The following KALRN variants were observed in gnomAD, a reference collection of about 807,000 sequenced individuals.
KALRN encodes the protein kalirin RhoGEF kinase, also known as kalirin.
KALRN carries 70 observed loss-of-function variants against 353.7 expected under a neutral mutation model. The observed-to-expected ratio is 0.20, with a 90% CI of 0.16 to 0.24. KALRN has a LOEUF of 0.24. KALRN is among the 10% of genes least tolerant of loss of function. The pLI, the probability that KALRN is intolerant of heterozygous loss-of-function variation, is 1.00. For synonymous variants in KALRN, 1,391 were observed against 1,434.8 expected, an observed-to-expected ratio of 0.97 and a Z score of 0.69; for missense variants, 2,791 against 3,756.7, an observed-to-expected ratio of 0.74 and a Z score of 6.72.
chr3:124,434,246 C>G, intron 16 of KALRN, 61 bp from the exon 17 acceptor site: 1 of 1,336,068 alleles, frequency 7.5e-7, no homozygotes, highest in Non-Finnish European at 1.1e-6. Context: ...CTCACTCCAC[C>G]CCCTCCCATA....
intron 34 of KALRN, among the ~76,000 whole-genome samples, chr3:124,585,645 G>GA (rs962284371): frequency 2.4e-4 from 36 of 150,306 alleles, no homozygotes; most frequent in African/African-American, 3.9e-4. Context: ...GGCTTCTTCT[G>GA]AAAAAAAAAA....
At chr3:124,265,182 A>C (rs1439164725) in intron 4 of KALRN, among the ~76,000 whole-genome samples, 1 of 152,036 alleles carries the variant, frequency 6.6e-6, no homozygotes, top group Non-Finnish European at 1.5e-5. Flanking sequence ...CTAGCTTTTG[A>C]AATATACCAT....
intron 3 of KALRN, among the ~76,000 whole-genome samples, chr3:124,257,818 A>C (rs1041706395): frequency 1.3e-5 from 2 of 152,214 alleles, no homozygotes; most frequent in Admixed American, 6.5e-5. Flanking sequence ...AGGGGATTTA[A>C]AAGTCTGCTT....
At chr3:124,133,515 A>G (rs932001974) in intron 1 of KALRN, among the ~76,000 whole-genome samples, 14 of 152,220 alleles carry the variant, frequency 9.2e-5, no homozygotes, top group Non-Finnish European at 7.3e-5. Context: ...TCTGTCTTCA[A>G]TTCAGGAGGC....
chr3:124,394,431 C>T (rs981353711), intron 11 of KALRN, among the ~76,000 whole-genome samples: 10 of 152,158 alleles, frequency 6.6e-5, no homozygotes, highest in African/African-American at 1.9e-4. Flanking sequence ...TTCAGTAATT[C>T]AGTTTTAACT....
At chr3:124,401,259 C>A (rs1413757328) in intron 13 of KALRN, among the ~76,000 whole-genome samples, 1 of 152,178 alleles carries the variant, frequency 6.6e-6, no homozygotes, top group African/African-American at 2.4e-5. Context: ...AATCCCAGCA[C>A]TTTGGGAGGC....
intron 3 of KALRN, among the ~76,000 whole-genome samples, chr3:124,259,099 A>C (rs1394614044): frequency 6.6e-6 from 1 of 152,204 alleles, no homozygotes; most frequent in African/African-American, 2.4e-5. Context: ...AAAGGGGAAA[A>C]ACCAACTAAG....
chr3:124,368,550 C>T (rs1448512612), intron 10 of KALRN, among the ~76,000 whole-genome samples: 1 of 149,160 alleles, frequency 6.7e-6, no homozygotes, highest in South Asian at 2.2e-4. Context: ...GGATGGCGGC[C>T]GGGCGGAGAC....
At chr3:124,258,673 GCCAGGCAC>G (rs1553878436) in intron 3 of KALRN, among the ~76,000 whole-genome samples, 4 of 152,202 alleles carry the variant, frequency 2.6e-5, no homozygotes. Context: ...CCTACTATGT[GCCAGGCAC>G]TGTGTGACTC....
chr3:124,696,269 G>A lies in KALRN; in HGVS notation c.7699+14G>A. On this transcript the variant is annotated intron_variant, in intron 54 of 59. Coordinates refer to ENST00000682506, the MANE Select transcript of KALRN (RefSeq NM_001388419.1). ...TCAAAGTGCAAGGTACAGCCTCTTT[G>A]TTAGTCAAACCTTTTGAAATATATA... is the stretch of plus-strand genomic sequence containing the variant. 6.2e-7 allele frequency: 1 copy of A among 1,612,584 alleles called. No individual in the cohort carries two copies. Among genetic ancestry groups the A allele is most frequent in the Non-Finnish European group, 8.5e-7 (1 of 1,178,902 alleles).
chr3:124,334,300 G>A lies in KALRN; in HGVS notation c.1452G>A (p.Leu484=), dbSNP rs761108899. Residue 484 remains leucine (L), a synonymous_variant, in exon 9 of 60, where the codon CTG becomes CTA. Transcript: ENST00000682506. The surrounding 1 kb of genome is among the most constrained non-coding windows in gnomAD (Gnocchi z 4.2). ...ATGGCAAAGCACTACTTGATGTGCT[G>A]CAGCGGCCCCTGAGCCCTGGGAACT... is the stretch of plus-strand genomic sequence containing the variant. ...SQDGKALLDV[L]QRPLSPGNSE... 1 of 1,614,244 alleles carries A rather than the reference G, an allele frequency of 6.2e-7. No homozygotes were observed. The highest frequency in any genetic ancestry group is 1.7e-5 in the Admixed American group (1 of 60,034).
At chr3:124,339,696 G>A (rs1490504436) in intron 9 of KALRN, among the ~76,000 whole-genome samples, 1 of 152,198 alleles carries the variant, frequency 6.6e-6, no homozygotes, top group Non-Finnish European at 1.5e-5. Context: ...AAAATGTCTT[G>A]TAGATGCCTG....
chr3:124,299,308 G>A (rs1002523483), intron 6 of KALRN, among the ~76,000 whole-genome samples: 4 of 152,318 alleles, frequency 2.6e-5, no homozygotes, highest in South Asian at 4.1e-4. Context: ...TGAGTGACCC[G>A]GGGCTGTTTA....
chr3:124,565,766 T>C (rs2072731489), intron 34 of KALRN, among the ~76,000 whole-genome samples: 1 of 152,166 alleles, frequency 6.6e-6, no homozygotes, highest in Non-Finnish European at 1.5e-5. Flanking sequence ...GGCTGCCACA[T>C]GTGCAACTTC....
intron 1 of KALRN, among the ~76,000 whole-genome samples, chr3:124,078,968 A>G (rs1303831103): frequency 6.6e-6 from 1 of 152,184 alleles, no homozygotes; most frequent in Non-Finnish European, 1.5e-5. Flanking sequence ...ATTCTCTTCT[A>G]TCTGGGAAAA....
At chr3:124,689,545 C>T (rs1229453695) in intron 51 of KALRN, among the ~76,000 whole-genome samples, 1 of 152,104 alleles carries the variant, frequency 6.6e-6, no homozygotes, top group East Asian at 1.9e-4. Flanking sequence ...TCCTTCCCAT[C>T]TATCATTTTA....
intron 10 of KALRN, among the ~76,000 whole-genome samples, chr3:124,349,909 A>G (rs2082673399): frequency 6.6e-6 from 1 of 152,120 alleles, no homozygotes; most frequent in Admixed American, 6.5e-5. Flanking sequence ...GGCCACAGGT[A>G]TCCCCTGACT....
At chr3:124,280,524 T>C (rs1348589243) in intron 5 of KALRN, among the ~76,000 whole-genome samples, 5 of 152,202 alleles carry the variant, frequency 3.3e-5, no homozygotes, top group Non-Finnish European at 5.9e-5. Context: ...CTAAACTCTT[T>C]AATGCAGCTT....
At chr3:124,101,241 C>T (rs914903845) in intron 1 of KALRN, among the ~76,000 whole-genome samples, 4 of 152,302 alleles carry the variant, frequency 2.6e-5, no homozygotes, top group Non-Finnish European at 2.9e-5. Context: ...GTTTATTGCT[C>T]TCAGTTCAGG....
Sources: allele counts gnomAD v4.1 joint callset (sites outside exome capture counted in the v4.1 genomes callset), GRCh38; gene constraint gnomAD v4.1.1; non-coding constraint Gnocchi (gnomAD v3.1); transcripts MANE v1.5; gene names NCBI Gene and HGNC (gene_info 2026-07-23, HGNC 2026-07-21).